Variants in FRMD5 observed in about 807,000 individuals in gnomAD.
FRMD5 encodes FERM domain containing 5, also known as FERM domain-containing protein 5.
In FRMD5, 20 loss-of-function variants were observed where a neutral mutation model predicts 69.0. That is an observed-to-expected ratio of 0.29 (90% confidence interval 0.20 to 0.42). The LOEUF is 0.42. Ranked by LOEUF, FRMD5 falls within the 10% of genes least tolerant of loss-of-function variation. The pLI is 1.00. For missense variants in FRMD5, 595 were observed against 708.6 expected (o/e 0.84, Z 1.82); for synonymous variants, 271 against 260.1 (o/e 1.04, Z -0.40).
intron 1 of FRMD5, among the ~76,000 whole-genome samples, chr15:44,090,230 T>C (rs990365695): frequency 6.6e-6 from 1 of 152,166 alleles, no homozygotes; most frequent in Non-Finnish European, 1.5e-5. Context: ...AGTTATTTAA[T>C]CTCCTAGATC....
chr15:44,062,918 A>C (rs148899133), intron 1 of FRMD5, among the ~76,000 whole-genome samples: 1 of 152,164 alleles, frequency 6.6e-6, no homozygotes, highest in Non-Finnish European at 1.5e-5. Flanking sequence ...AAATCAATTG[A>C]CTGTATATAT....
At chr15:43,882,639 G>A (rs368250833) in intron 13 of FRMD5, among the ~76,000 whole-genome samples, 56 of 151,856 alleles carry the variant, frequency 3.7e-4, no homozygotes, top group Non-Finnish European at 6.5e-4. Context: ...GACTACAGGC[G>A]TGAGCCACTG....
intron 2 of FRMD5, among the ~76,000 whole-genome samples, chr15:43,921,227 A>G (rs1423146061): frequency 2.6e-5 from 4 of 152,222 alleles, no homozygotes; most frequent in Admixed American, 2.6e-4. Flanking sequence ...TTCAGAGCAC[A>G]CTGGAATTGT....
chr15:44,165,009 TG>T (rs2077685214), intron 1 of FRMD5, among the ~76,000 whole-genome samples: 1 of 152,198 alleles, frequency 6.6e-6, no homozygotes, highest in Non-Finnish European at 1.5e-5. Context: ...GGGTCCTGGG[TG>T]CTCCCTAGCC....
chr15:43,883,258 C>T (rs2088580557), intron 13 of FRMD5, among the ~76,000 whole-genome samples: 1 of 152,046 alleles, frequency 6.6e-6, no homozygotes, highest in African/African-American at 2.4e-5. Flanking sequence ...CCACCACGCC[C>T]AGCTAGTTTT....
intron 1 of FRMD5, among the ~76,000 whole-genome samples, chr15:44,029,017 C>G (rs554108329): frequency 3.3e-5 from 5 of 152,312 alleles, no homozygotes; most frequent in African/African-American, 1.2e-4. Flanking sequence ...ACCACTACAT[C>G]CACTGCTTTA....
intron 1 of FRMD5, among the ~76,000 whole-genome samples, chr15:44,164,811 T>G (rs1171488109): frequency 6.6e-6 from 1 of 152,130 alleles, no homozygotes; most frequent in African/African-American, 2.4e-5. Flanking sequence ...ATTTTGTTGG[T>G]CAGCAGAAGC....
chr15:44,168,321 C>T (rs553428003), intron 1 of FRMD5, among the ~76,000 whole-genome samples: 3 of 152,130 alleles, frequency 2.0e-5, no homozygotes, highest in Admixed American at 6.5e-5. Flanking sequence ...TTAAAAATTG[C>T]TCTTAAAGTC....
At chr15:43,897,391 G>A (rs1412056847) in intron 7 of FRMD5, among the ~76,000 whole-genome samples, 1 of 149,046 alleles carries the variant, frequency 6.7e-6, no homozygotes, top group Non-Finnish European at 1.5e-5. Flanking sequence ...GGAGGCTGAG[G>A]CAGAAGAATC....
chr15:43,996,353 C>T (rs143364434), intron 1 of FRMD5, among the ~76,000 whole-genome samples: 29 of 152,294 alleles, frequency 1.9e-4, no homozygotes, highest in Middle Eastern at 3.4e-3. Context: ...AGGCAACGTC[C>T]GGTACTCACT....
rs574060017 is a variant in FRMD5, at chr15:44,096,650, G to A, written c.102+98303C>T. 6.5e-4 allele frequency among the ~76,000 whole-genome samples: 99 copies of A among 152,114 alleles called. 2 individuals carry two copies. In the South Asian group the frequency reaches 0.02, roughly 31 times the overall value. Reference sequence around the variant, plus strand: ...ACTCCTGACCTCAAGCGATCCACCCGCCTCAGCTTCCCAAAGTGCTGGGAT... The same window carrying A: ...ACTCCTGACCTCAAGCGATCCACCCACCTCAGCTTCCCAAAGTGCTGGGAT... On this transcript the variant is annotated intron_variant, in intron 1 of 13. Transcript: ENST00000417257.
chr15:43,989,711 C>T, intron 1 of FRMD5: 1 of 995,852 alleles, frequency 1.0e-6, no homozygotes, highest in Non-Finnish European at 1.6e-6. Context: ...GTGGGTGACC[C>T]CGTCATCGTA....
chr15:44,070,030 T>C (rs943994539), intron 1 of FRMD5, among the ~76,000 whole-genome samples: 2 of 152,192 alleles, frequency 1.3e-5, no homozygotes, highest in African/African-American at 4.8e-5. Flanking sequence ...ACACAAGGTC[T>C]CTTAATGACA....
chr15:43,875,402 G>A lies in FRMD5; in HGVS notation c.1136-940C>T, dbSNP rs1458957993. Among the ~76,000 whole-genome samples the A allele has an allele frequency of 5.5e-5, 7 of 128,194 alleles. No individual in the cohort carries two copies. The East Asian group carries it at 1.4e-3, about 26-fold the overall frequency. The allele number at this position is 128,194 out of a possible 152,430, so 84.1% of individuals were successfully genotyped here. ...TATATATATATATATATGTATGTATGAAACAAGAGAAGGCACAGAAATCAC... is the reference window on the plus strand; with the variant it reads ...TATATATATATATATATGTATGTATAAAACAAGAGAAGGCACAGAAATCAC... On this transcript the variant is annotated intron_variant, in intron 13 of 13. Coordinates refer to ENST00000417257, the MANE Select transcript of FRMD5 (RefSeq NM_032892.5).
chr15:44,019,831 T>C (rs1164071188), intron 1 of FRMD5, among the ~76,000 whole-genome samples: 1 of 151,064 alleles, frequency 6.6e-6, no homozygotes, highest in African/African-American at 2.4e-5. Context: ...TGGCACGGTG[T>C]CTAATACCAA....
chr15:44,154,552 A>G (rs1160527643), intron 1 of FRMD5, among the ~76,000 whole-genome samples: 2 of 152,212 alleles, frequency 1.3e-5, no homozygotes, highest in Non-Finnish European at 2.9e-5. Flanking sequence ...GCATACTTAG[A>G]AGATGCTTAG....
At chr15:43,926,247 A>G (rs1449131525) in intron 1 of FRMD5, among the ~76,000 whole-genome samples, 1 of 152,216 alleles carries the variant, frequency 6.6e-6, no homozygotes, top group South Asian at 2.1e-4. Flanking sequence ...GAACCTGTCA[A>G]AACATCTGGA....
chr15:44,132,146 G>T (rs1259965031), intron 1 of FRMD5, among the ~76,000 whole-genome samples: 1 of 152,102 alleles, frequency 6.6e-6, no homozygotes, highest in Admixed American at 6.5e-5. Flanking sequence ...AAGGGTTCAC[G>T]CTCCTTTGAG....
intron 1 of FRMD5, among the ~76,000 whole-genome samples, chr15:44,189,709 C>A: frequency 6.6e-6 from 1 of 152,040 alleles, no homozygotes; most frequent in South Asian, 2.1e-4. Flanking sequence ...CCAGGCTGGT[C>A]TCAAACTCCT....
Sources: allele counts gnomAD v4.1 joint callset (sites outside exome capture counted in the v4.1 genomes callset), GRCh38; gene constraint gnomAD v4.1.1; transcripts MANE v1.5; gene names NCBI Gene and HGNC (gene_info 2026-07-23, HGNC 2026-07-21).